Variants in DNAJC6 observed in about 807,000 individuals in gnomAD.
DNAJC6 encodes DnaJ heat shock protein family (Hsp40) member C6.
Under a neutral mutation model 110.0 loss-of-function variants are expected in DNAJC6, and 34 were observed. The ratio of observed to expected loss-of-function variants is 0.31; its 90% CI spans 0.24 to 0.41. The LOEUF is 0.41. DNAJC6 is among the 10% of genes least tolerant of loss of function. The pLI is 1.00. For missense variants in DNAJC6, 1,031 were observed against 1,207.8 expected (o/e 0.85, Z 2.17); for synonymous variants, 406 against 437.2 (o/e 0.93, Z 0.89).
chr1:65,334,162 G>C (rs2101463565), intron 1 of DNAJC6, among the ~76,000 whole-genome samples: 1 of 152,318 alleles, frequency 6.6e-6, no homozygotes, highest in East Asian at 1.9e-4. Context: ...TTTGTAGGCA[G>C]ATACACAAAC....
At chr1:65,348,443 C>T (rs1289051195) in intron 1 of DNAJC6, among the ~76,000 whole-genome samples, 1 of 152,130 alleles carries the variant, frequency 6.6e-6, no homozygotes, top group African/African-American at 2.4e-5. Context: ...CTTTTCTGTT[C>T]ATTTTTGCTT....
At position 65,415,586 on chromosome 1, in the gene DNAJC6, C is replaced by CA. The variant is rs1168408196; in HGVS notation, c.*2568dup. 6.6e-6 allele frequency: 1 copy of CA among 151,780 alleles called. No homozygotes were observed. The highest frequency in any genetic ancestry group is 1.5e-5 in the Non-Finnish European group (1 of 67,946). 9.4% of individuals were successfully genotyped at this position (151,780 alleles called of 1,614,324 possible). On this transcript the variant is annotated 3_prime_UTR_variant, in exon 19 of 19. Coordinates refer to ENST00000371069, the MANE Select transcript of DNAJC6 (RefSeq NM_001256864.2). ...CTAGCCAAAAAAATCAAAGGATTTT[C>CA]AAAAAAACGAATCTGTATGTTGAGG...
At chr1:65,281,463 G>C (rs373917350) in intron 1 of DNAJC6, among the ~76,000 whole-genome samples, 1 of 152,116 alleles carries the variant, frequency 6.6e-6, no homozygotes, top group Admixed American at 6.5e-5. Context: ...TAATCTATTT[G>C]TCCCTGCGGA....
intron 15 of DNAJC6, among the ~76,000 whole-genome samples, chr1:65,402,334 C>A (rs569701336): frequency 1.3e-5 from 2 of 152,296 alleles, no homozygotes; most frequent in East Asian, 3.9e-4. Context: ...GCTCTCCGGT[C>A]AATTTGTAAA....
intron 1 of DNAJC6, among the ~76,000 whole-genome samples, chr1:65,298,507 T>C (rs1644947815): frequency 6.6e-6 from 1 of 152,194 alleles, no homozygotes; most frequent in Non-Finnish European, 1.5e-5. Flanking sequence ...TGAAATCTGA[T>C]AGTTACTTCC....
At chr1:65,370,490 T>G (rs1043543158) in intron 4 of DNAJC6, among the ~76,000 whole-genome samples, 1 of 152,202 alleles carries the variant, frequency 6.6e-6, no homozygotes, top group Non-Finnish European at 1.5e-5. Flanking sequence ...TCAGGAACCT[T>G]TACACATTTC....
intron 17 of DNAJC6, 95 bp downstream of exon 17, chr1:65,408,878 T>C: frequency 6.9e-7 from 1 of 1,444,124 alleles, no homozygotes; most frequent in South Asian, 1.5e-5. Flanking sequence ...GAGTAACCTA[T>C]TGTCTTAGCC....
intron 4 of DNAJC6, among the ~76,000 whole-genome samples, chr1:65,374,474 C>G (rs1570343922): frequency 1.9e-5 from 1 of 52,844 alleles, no homozygotes; most frequent in Admixed American, 1.9e-4. Context: ...TTTTACAGTT[C>G]TTCTTGTGTA....
rs71647482 is a variant in DNAJC6 at position 65,351,954 on chromosome 1, C to T, written c.194-12681C>T. On this transcript the variant is annotated intron_variant, in intron 1 of 18. Coordinates refer to ENST00000371069, the MANE Select transcript of DNAJC6 (RefSeq NM_001256864.2). ...TAATTTTTTGTGTTTTTAGTAGAGA[C>T]GGGGTTTCACCATGTTGGCCAGGCT... Among the ~76,000 whole-genome samples the T allele has an allele frequency of 8.1e-3, 1,226 of 152,028 alleles. 4 individuals carry two copies. Among genetic ancestry groups the T allele is most frequent in the Non-Finnish European group, 0.013 (853 of 67,970 alleles).
At chr1:65,298,453 C>T (rs938438502) in intron 1 of DNAJC6, among the ~76,000 whole-genome samples, 1 of 152,112 alleles carries the variant, frequency 6.6e-6, no homozygotes, top group African/African-American at 2.4e-5. Context: ...TTTGGCCTCT[C>T]AGCAAGCAGG....
At chr1:65,381,109 G>T (rs560716012) in intron 5 of DNAJC6, among the ~76,000 whole-genome samples, 2 of 151,214 alleles carry the variant, frequency 1.3e-5, no homozygotes, top group African/African-American at 4.9e-5. Flanking sequence ...AGTAGAGACG[G>T]GTTTTCACCA....
At chr1:65,316,155 T>A (rs1190434701) in intron 1 of DNAJC6, among the ~76,000 whole-genome samples, 2 of 152,166 alleles carry the variant, frequency 1.3e-5, no homozygotes, top group Non-Finnish European at 2.9e-5. Context: ...CAAGGTATTC[T>A]TAACAGGACA....
Position 65,414,656 on chromosome 1 carries a change from C to T in DNAJC6, c.*1631C>T, listed in dbSNP as rs544185077. Reference sequence around the variant, plus strand: ...TACCTTTTACTGACAATGTGAAACTCGAAGAAAATGTTCTCTTTTTAAATA... The same window carrying T: ...TACCTTTTACTGACAATGTGAAACTTGAAGAAAATGTTCTCTTTTTAAATA... On this transcript the variant is annotated 3_prime_UTR_variant, in exon 19 of 19. Coordinates refer to ENST00000371069, the MANE Select transcript of DNAJC6 (RefSeq NM_001256864.2). 9 of 152,626 alleles carry T rather than the reference C, an allele frequency of 5.9e-5. No individual in the cohort carries two copies. In the South Asian group the frequency reaches 8.3e-4, roughly 14 times the overall value. 9.5% of individuals were successfully genotyped at this position (152,626 alleles called of 1,614,324 possible).
At chr1:65,404,478 A>G (rs530827541) in intron 15 of DNAJC6, among the ~76,000 whole-genome samples, 2 of 152,330 alleles carry the variant, frequency 1.3e-5, no homozygotes, top group African/African-American at 4.8e-5. Context: ...GTTTTCAGCT[A>G]TATTCTTAGT....
intron 1 of DNAJC6, among the ~76,000 whole-genome samples, chr1:65,346,290 A>G (rs1645435999): frequency 6.6e-6 from 1 of 152,180 alleles, no homozygotes; most frequent in Non-Finnish European, 1.5e-5. Flanking sequence ...CTTTTGAAAT[A>G]TGCCCTAAAG....
chr1:65,345,886 G>A (rs1430579574), intron 1 of DNAJC6, among the ~76,000 whole-genome samples: 1 of 152,164 alleles, frequency 6.6e-6, no homozygotes, highest in African/African-American at 2.4e-5. Context: ...GGAGGGTAGT[G>A]GCCAGATGTT....
chr1:65,333,493 G>A (rs903803334), intron 1 of DNAJC6, among the ~76,000 whole-genome samples: 3 of 152,058 alleles, frequency 2.0e-5, no homozygotes, highest in Non-Finnish European at 2.9e-5. Context: ...TCACAGCTGA[G>A]GAGACTGAGG....
chr1:65,303,646 C>A (rs910534477), intron 1 of DNAJC6, among the ~76,000 whole-genome samples: 1 of 152,058 alleles, frequency 6.6e-6, no homozygotes, highest in Non-Finnish European at 1.5e-5. Flanking sequence ...GCAACCTCTG[C>A]CTCCCAGGTT....
chr1:65,307,629 G>C (rs999064899), upstream of DNAJC6, among the ~76,000 whole-genome samples: 5 of 152,174 alleles, frequency 3.3e-5, no homozygotes, highest in Non-Finnish European at 1.5e-5. Context: ...CAGGGCACAT[G>C]ATGAACACTA....
Sources: allele counts gnomAD v4.1 joint callset (sites outside exome capture counted in the v4.1 genomes callset), GRCh38; gene constraint gnomAD v4.1.1; transcripts MANE v1.5; gene names NCBI Gene and HGNC (gene_info 2026-07-23, HGNC 2026-07-21).